The following KIAA1217 variants were observed in gnomAD, a reference collection of about 807,000 sequenced individuals.
The protein encoded by KIAA1217 is KIAA1217, also known as sickle tail protein homolog.
A neutral mutation model predicts 163.9 loss-of-function variants in KIAA1217; 88 were observed. That is an observed-to-expected ratio of 0.54 (90% CI 0.45 to 0.64). KIAA1217 has a LOEUF of 0.64. KIAA1217 is among the 30% of genes least tolerant of loss of function. KIAA1217 has a pLI of 0.00. For synonymous variants in KIAA1217, 903 were observed against 923.1 expected (o/e 0.98, Z 0.39); for missense variants, 2,372 against 2,475.0 (o/e 0.96, Z 0.88).
At chr10:24,277,924 CCCCTGTG>C (rs60248868) in intron 2 of KIAA1217, among the ~76,000 whole-genome samples, 1,709 of 152,326 alleles carry the variant, frequency 0.011, 27 homozygotes, top group African/African-American at 0.039. Context: ...GGGAACTTCT[CCCCTGTG>C]ATAGAAAGCA....
intron 5 of KIAA1217, among the ~76,000 whole-genome samples, chr10:24,469,763 C>T (rs529395855): frequency 6.6e-6 from 1 of 152,176 alleles, no homozygotes; most frequent in South Asian, 2.1e-4. Context: ...AGGTGCATGC[C>T]ACCATGCCCA....
chr10:24,181,942 T>C (rs1303100859), intron 2 of KIAA1217, among the ~76,000 whole-genome samples: 1 of 152,166 alleles, frequency 6.6e-6, no homozygotes, highest in Non-Finnish European at 1.5e-5. Context: ...GCCTGTTCTT[T>C]TTCATATTTC....
intron 2 of KIAA1217, among the ~76,000 whole-genome samples, chr10:24,118,059 C>T (rs747778127): frequency 1.3e-5 from 2 of 151,316 alleles, no homozygotes; most frequent in African/African-American, 2.4e-5. Flanking sequence ...GCTTAGTACC[C>T]GGGGTGACCA....
At chr10:24,430,632 G>A (rs2059529155) in intron 3 of KIAA1217, among the ~76,000 whole-genome samples, 1 of 152,080 alleles carries the variant, frequency 6.6e-6, no homozygotes, top group Admixed American at 6.5e-5. Flanking sequence ...GTCCCATCTG[G>A]AGGTGATGAG....
intron 2 of KIAA1217, among the ~76,000 whole-genome samples, chr10:24,304,617 A>G (rs117187691): frequency 1.3e-5 from 2 of 152,234 alleles, no homozygotes; most frequent in East Asian, 3.9e-4. Flanking sequence ...TACAGGCATG[A>G]GCCACCAGAC....
intron 16 of KIAA1217, among the ~76,000 whole-genome samples, chr10:24,535,852 T>TA (rs35172187): frequency 0.56 from 85,462 of 151,298 alleles, 24,345 homozygotes; most frequent in Middle Eastern, 0.63. Flanking sequence ...CTTTGGGAGT[T>TA]AAAAAAAAAT....
intron 2 of KIAA1217, among the ~76,000 whole-genome samples, chr10:24,355,753 TTTTTTTTTTTTTTGA>T (rs2049018708): frequency 9.8e-6 from 1 of 102,420 alleles, no homozygotes; most frequent in Non-Finnish European, 2.0e-5. Context: ...TTTTTTTTTT[TTTTTTTTTTTTTTGA>T]GACAGAGTCT....
chr10:24,099,844 G>T (rs1209314536), intron 2 of KIAA1217, among the ~76,000 whole-genome samples: 1 of 150,694 alleles, frequency 6.6e-6, no homozygotes, highest in Admixed American at 6.6e-5. Flanking sequence ...GTGGTGTTTG[G>T]TTTTTTTGTC....
intron 1 of KIAA1217, among the ~76,000 whole-genome samples, chr10:23,698,311 G>T (rs1250077808): frequency 6.6e-6 from 1 of 152,328 alleles, no homozygotes; most frequent in South Asian, 2.1e-4. Flanking sequence ...TATTGTGATT[G>T]TGGATAATTT....
intron 1 of KIAA1217, among the ~76,000 whole-genome samples, chr10:23,882,551 G>C (rs961585456): frequency 1.3e-5 from 2 of 151,852 alleles, no homozygotes; most frequent in Non-Finnish European, 2.9e-5. Flanking sequence ...GGAATAATCT[G>C]TATCCCTTAT....
chr10:24,076,415 G>C (rs2061369735), intron 2 of KIAA1217, among the ~76,000 whole-genome samples: 1 of 152,110 alleles, frequency 6.6e-6, no homozygotes, highest in Admixed American at 6.5e-5. Context: ...ATTTATCCTT[G>C]GCATTCGTGG....
chr10:24,208,481 G>T (rs1477572878), upstream of KIAA1217, among the ~76,000 whole-genome samples: 1 of 151,994 alleles, frequency 6.6e-6, no homozygotes, highest in Non-Finnish European at 1.5e-5. Context: ...CAGATTAAGT[G>T]ATTGAAATCG....
intron 3 of KIAA1217, among the ~76,000 whole-genome samples, chr10:24,421,684 T>TA (rs549744289): frequency 3.3e-4 from 50 of 152,328 alleles, no homozygotes; most frequent in African/African-American, 1.2e-3. Context: ...AAAAAAGTTA[T>TA]GAATGTGTGT....
intron 5 of KIAA1217, among the ~76,000 whole-genome samples, chr10:24,452,868 C>T (rs942596044): frequency 1.3e-5 from 2 of 152,108 alleles, no homozygotes; most frequent in Non-Finnish European, 2.9e-5. Flanking sequence ...GATTATTACA[C>T]ATTGCATGCT....
intron 1 of KIAA1217, among the ~76,000 whole-genome samples, chr10:23,895,820 T>A (rs963761890): frequency 1.3e-5 from 2 of 151,726 alleles, no homozygotes; most frequent in Non-Finnish European, 2.9e-5. Context: ...TCATAAAAAA[T>A]GATGAGTTCA....
intron 1 of KIAA1217, among the ~76,000 whole-genome samples, chr10:23,755,491 A>G (rs955580054): frequency 2.0e-5 from 3 of 152,192 alleles, no homozygotes; most frequent in African/African-American, 4.8e-5. Flanking sequence ...ATACAGTCCT[A>G]TTGGTAAGAG....
intron 5 of KIAA1217, chr10:24,449,641 A>T (rs1354883960): frequency 5.1e-6 from 5 of 985,320 alleles, no homozygotes; most frequent in Non-Finnish European, 6.0e-6. Context: ...AAAAAACCCA[A>T]GGCTTGCATT....
At chr10:23,992,088 T>C (rs10508667) in intron 1 of KIAA1217, among the ~76,000 whole-genome samples, 49,031 of 151,984 alleles carry the variant, frequency 0.32, 8,170 homozygotes, top group Non-Finnish European at 0.36. Flanking sequence ...ATTACTTTTC[T>C]GACTCTGTAA....
At chr10:24,367,404 G>T (rs916811301) in intron 2 of KIAA1217, among the ~76,000 whole-genome samples, 1 of 152,200 alleles carries the variant, frequency 6.6e-6, no homozygotes, top group Non-Finnish European at 1.5e-5. Flanking sequence ...ATGAGAGTCA[G>T]TATTAAAATG....
Sources: allele counts gnomAD v4.1 joint callset (sites outside exome capture counted in the v4.1 genomes callset), GRCh38; gene constraint gnomAD v4.1.1; transcripts MANE v1.5; gene names NCBI Gene and HGNC (gene_info 2026-07-23, HGNC 2026-07-21).